The following CALN1 variants were observed in gnomAD, a reference collection of about 807,000 sequenced individuals.
The protein encoded by CALN1 is calcium-binding protein 8.
Under a neutral mutation model 30.6 loss-of-function variants are expected in CALN1, and 17 were observed. The observed-to-expected ratio is 0.56, with a 90% CI of 0.38 to 0.83. CALN1 has a LOEUF of 0.83. CALN1 is among the 40% of genes least tolerant of loss of function. The pLI is 0.00. For missense variants in CALN1, 291 were observed against 354.9 expected (o/e 0.82, Z 1.45); for synonymous variants, 156 against 131.4 (o/e 1.19, Z -1.28).
At chr7:72,251,008 C>T (rs372038692) in intron 3 of CALN1, among the ~76,000 whole-genome samples, 3 of 152,244 alleles carry the variant, frequency 2.0e-5, no homozygotes, top group East Asian at 3.9e-4. Context: ...CCCAATGTTC[C>T]CCCTGCTCCA....
chr7:71,896,089 G>A (rs574337845), intron 5 of CALN1, among the ~76,000 whole-genome samples: 1 of 152,052 alleles, frequency 6.6e-6, no homozygotes, highest in Non-Finnish European at 1.5e-5. Flanking sequence ...TTCTACAAAG[G>A]GCACCAATTA....
At chr7:72,305,029 T>C (rs1799554835) in intron 2 of CALN1, among the ~76,000 whole-genome samples, 1 of 152,154 alleles carries the variant, frequency 6.6e-6, no homozygotes. Flanking sequence ...ACGGCTACAG[T>C]GACCTGCAGC....
chr7:72,225,297 G>C (rs1793591568), intron 3 of CALN1, among the ~76,000 whole-genome samples: 1 of 151,968 alleles, frequency 6.6e-6, no homozygotes. Flanking sequence ...ACACACCTTA[G>C]CAGGGTGTCC....
chr7:71,799,163 C>T (rs568838151), intron 6 of CALN1, among the ~76,000 whole-genome samples: 1 of 152,332 alleles, frequency 6.6e-6, no homozygotes, highest in African/African-American at 2.4e-5. Flanking sequence ...CCAGTGCTTA[C>T]TAATATGTTG....
intron 1 of CALN1, among the ~76,000 whole-genome samples, chr7:72,423,582 T>C (rs1288751582): frequency 6.6e-6 from 1 of 152,162 alleles, no homozygotes; most frequent in Non-Finnish European, 1.5e-5. Context: ...ACACTTGCTC[T>C]AAGAAAAGGG....
In CALN1 at chr7:72,339,340, G is replaced by A. The variant is rs147767019; in HGVS notation, c.120-60530C>T. Reference sequence around the variant, plus strand: ...TCTTTGGGGTATATACTCAGCAGTGGGATTGCTGGATCATATGCTCCCTAG... The same window carrying A: ...TCTTTGGGGTATATACTCAGCAGTGAGATTGCTGGATCATATGCTCCCTAG... On this transcript the variant is annotated intron_variant, in intron 2 of 6. Transcript: ENST00000395275. 1.1e-4 allele frequency among the ~76,000 whole-genome samples: 16 copies of A among 152,212 alleles called. No homozygotes were observed. In the East Asian group the frequency reaches 3.1e-3, roughly 29 times the overall value.
the CALN1 span, among the ~76,000 whole-genome samples, chr7:72,455,714 G>A: frequency 3.5e-4 from 54 of 152,244 alleles, 1 homozygote; most frequent in Middle Eastern, 3.4e-3. Flanking sequence ...ATGAGGTGAT[G>A]GAGGCGAGAT....
chr7:72,124,326 T>C (rs933482331), intron 3 of CALN1, among the ~76,000 whole-genome samples: 1 of 152,114 alleles, frequency 6.6e-6, no homozygotes, highest in Non-Finnish European at 1.5e-5. Context: ...CATCACACCA[T>C]AGACCCAAAT....
At chr7:72,170,607 TAAAG>T (rs906644961) in intron 3 of CALN1, among the ~76,000 whole-genome samples, 4 of 152,182 alleles carry the variant, frequency 2.6e-5, no homozygotes, top group African/African-American at 9.7e-5. Context: ...GGCACGCACA[TAAAG>T]AGAGTCCTAC....
At chr7:72,403,856 G>C (rs992037427) in intron 1 of CALN1, among the ~76,000 whole-genome samples, 4 of 152,126 alleles carry the variant, frequency 2.6e-5, no homozygotes, top group African/African-American at 9.7e-5. Context: ...AAACTAAATG[G>C]GGGACTGAGC....
intron 5 of CALN1, among the ~76,000 whole-genome samples, chr7:71,893,501 G>A (rs565862223): frequency 2.0e-5 from 3 of 152,170 alleles, no homozygotes; most frequent in South Asian, 4.1e-4. Flanking sequence ...GACCAGCCTG[G>A]CCAACATGGC....
intron 4 of CALN1, among the ~76,000 whole-genome samples, chr7:72,091,548 T>C (rs1033069013): frequency 2.6e-5 from 4 of 151,994 alleles, no homozygotes; most frequent in Non-Finnish European, 4.4e-5. Context: ...AAAATAAAAA[T>C]TAAAAACTAG....
intron 5 of CALN1, among the ~76,000 whole-genome samples, chr7:71,873,472 T>C (rs567662208): frequency 1.3e-5 from 2 of 152,368 alleles, no homozygotes; most frequent in Admixed American, 6.5e-5. Flanking sequence ...CCTAAAGCCA[T>C]TGAGCTAGAA....
intron 3 of CALN1, among the ~76,000 whole-genome samples, chr7:72,219,740 GCACA>G (rs34821165): frequency 2.0e-5 from 3 of 150,716 alleles, no homozygotes; most frequent in South Asian, 2.1e-4. Context: ...AAGCATGCAC[GCACA>G]CACACACACA....
chr7:72,230,825 T>C (rs1010863526), intron 3 of CALN1, among the ~76,000 whole-genome samples: 3 of 152,250 alleles, frequency 2.0e-5, no homozygotes, highest in African/African-American at 4.8e-5. Context: ...AGAAAACTAA[T>C]ATAGGCACAG....
intron 3 of CALN1, among the ~76,000 whole-genome samples, chr7:72,197,178 C>CTTTTTTTTTTTTTTTTTTTTTT (rs386410439): frequency 1.6e-5 from 1 of 64,208 alleles, no homozygotes; most frequent in Non-Finnish European, 2.7e-5. Context: ...GGAAGGTTTG[C>CTTTTTTTTTTTTTTTTTTTTTT]TTTTTTTTTT....
At chr7:72,480,651 T>A in the CALN1 span, among the ~76,000 whole-genome samples, 1 of 152,194 alleles carries the variant, frequency 6.6e-6, no homozygotes, top group South Asian at 2.1e-4. Flanking sequence ...GTGAAGCTGT[T>A]TAGGCTTGGA....
rs916207158 is a variant in CALN1, at chr7:72,429,917, T to A, written c.-226+17125A>T. On this transcript the variant is annotated intron_variant, in intron 1 of 6. Coordinates refer to the CALN1 transcript ENST00000395276. The stretch of plus-strand genomic sequence containing the variant: ...CACTGCAACCTCTGTCCCACTGGGT[T>A]CAAGTGATTCTCTTGCCTCTGCCTC... 7.3e-5 allele frequency among the ~76,000 whole-genome samples: 11 copies of A among 150,798 alleles called. No individual in the cohort carries two copies. In the East Asian group the frequency reaches 1.9e-3, roughly 27 times the overall value.
chr7:72,118,410 G>A (rs1808146737), intron 3 of CALN1, among the ~76,000 whole-genome samples: 1 of 152,194 alleles, frequency 6.6e-6, no homozygotes, highest in South Asian at 2.1e-4. Context: ...GTCATGAAAA[G>A]TATTTCTTTC....
Sources: allele counts gnomAD v4.1 joint callset (sites outside exome capture counted in the v4.1 genomes callset), GRCh38; gene constraint gnomAD v4.1.1; transcripts MANE v1.5; gene names NCBI Gene and HGNC (gene_info 2026-07-23, HGNC 2026-07-21).